BRIP1: variants seen among roughly 807,000 people sequenced by gnomAD.
BRIP1 encodes BRCA1 interacting DNA helicase 1.
In BRIP1, 88 loss-of-function variants were observed where a neutral mutation model predicts 119.7. The observed-to-expected ratio is 0.74, with a 90% CI of 0.62 to 0.88. The LOEUF is 0.88. Ranked by LOEUF, BRIP1 falls within the 40% of genes least tolerant of loss-of-function variation. The pLI is 0.00. For missense variants in BRIP1, 1,259 were observed against 1,455.4 expected (o/e 0.87, Z 2.20); for synonymous variants, 443 against 496.5 (o/e 0.89, Z 1.43).
At chr17:61,772,783 A>G (rs990542554) in intron 14 of BRIP1, among the ~76,000 whole-genome samples, 3 of 140,560 alleles carry the variant, frequency 2.1e-5, no homozygotes, top group East Asian at 2.2e-4. Flanking sequence ...ACACCATTGC[A>G]CTCCAGACTG....
chr17:61,707,428 G>A (rs781323180), intron 17 of BRIP1, among the ~76,000 whole-genome samples: 2 of 152,082 alleles, frequency 1.3e-5, no homozygotes, highest in Non-Finnish European at 1.5e-5. Context: ...CCAAGAAATC[G>A]TGTTACTCAA....
chr17:61,772,208 T>C (rs1433328569), intron 14 of BRIP1, among the ~76,000 whole-genome samples: 1 of 86,300 alleles, frequency 1.2e-5, no homozygotes, highest in African/African-American at 4.4e-5. Flanking sequence ...TATATATATA[T>C]AAAATGAAAT....
chr17:61,766,397 A>G (rs139742005), intron 14 of BRIP1, among the ~76,000 whole-genome samples: 73 of 152,348 alleles, frequency 4.8e-4, no homozygotes, highest in African/African-American at 1.5e-3. Flanking sequence ...CCTCAATGGC[A>G]TAATGATTCT....
Position 61,701,365 on chromosome 17 carries a change from T to C in BRIP1, c.2493-7853A>G, listed in dbSNP as rs140434869. ...ATTGTCATGTGTGGTCATTGAAGAC[T>C]GCTCGATTAACTTAGTAGTCAGCTA... is the stretch of plus-strand genomic sequence containing the variant. On this transcript the variant is annotated intron_variant, in intron 17 of 19. Transcript: ENST00000259008. The surrounding 1 kb of genome is among the most constrained non-coding windows in gnomAD (Gnocchi z 5.1). 4.5e-4 allele frequency among the ~76,000 whole-genome samples: 68 copies of C among 152,354 alleles called. No homozygotes were observed. The highest frequency in any genetic ancestry group is 1.6e-3 in the Admixed American group (24 of 15,302).
rs567823137 is a variant in BRIP1, at chr17:61,862,326, G to A, written c.-30-757C>T. 1.9e-4 allele frequency among the ~76,000 whole-genome samples: 29 copies of A among 152,310 alleles called. No individual in the cohort carries two copies. Among genetic ancestry groups the A allele is most frequent in the Middle Eastern group, 3.4e-3 (1 of 294 alleles). ...TATTATAGAAACAGGATGGGCTTTG[G>A]AGTAAGGCAATCCTAAGTTTGAATT... On this transcript the variant is annotated intron_variant, in intron 1 of 19. Transcript: ENST00000259008. The surrounding 1 kb of genome is among the most constrained non-coding windows in gnomAD (Gnocchi z 5.3).
Position 61,859,786 on chromosome 17 carries a change from A to T in BRIP1, c.205+10T>A, listed in dbSNP as rs774443020. On this transcript the variant is annotated intron_variant, in intron 3 of 19. Transcript: ENST00000259008. ...AGTAAGTAACCTGAAGATATCAAGC[A>T]ACTACTTACCACTAAGAGATTGTTG... 1 of 1,569,250 alleles carries T rather than the reference A, an allele frequency of 6.4e-7. No homozygotes were observed.
chr17:61,852,946 T>G lies in BRIP1; in HGVS notation c.380-3690A>C, dbSNP rs1351102460. ...CAACCACTTTAGAAAATGTTGTCAG[T>G]ATCTACTATAGCTGAACATATGTAT... On this transcript the variant is annotated intron_variant, in intron 4 of 19. Coordinates refer to ENST00000259008, the MANE Select transcript of BRIP1 (RefSeq NM_032043.3). The surrounding 1 kb of genome is among the most constrained non-coding windows in gnomAD (Gnocchi z 4.9). Among the ~76,000 whole-genome samples, 1 of 152,202 alleles carries G rather than the reference T, an allele frequency of 6.6e-6. No individual in the cohort carries two copies. Among genetic ancestry groups the G allele is most frequent in the Non-Finnish European group, 1.5e-5 (1 of 68,032 alleles).
chr17:61,744,442 T>A lies in BRIP1; in HGVS notation c.2247A>T (p.Lys749Asn), dbSNP rs587782556. The change falls in exon 15 of 20, where the codon AAA (lysine) becomes AAT (asparagine). Residue 749 changes from lysine to asparagine, a missense_variant. Physicochemically the swap from Lys to Asn is moderately conservative, Grantham distance 94. Transcript: ENST00000259008. This position sits in a 1 kb window ranked among gnomAD's most constrained non-coding sequence, Gnocchi z 5.0. ...LQVYYDAIKY[K>N]GEKDGALLVA... ...ATAATTTCCAGTTACCTTTCTCTCC[T>A]TTGTATTTGATTGCGTCATAGTACA... The A allele has an allele frequency of 2.5e-6, 4 of 1,613,752 alleles. No individual in the cohort carries two copies. Among genetic ancestry groups the A allele is most frequent in the Non-Finnish European group, 3.4e-6 (4 of 1,179,882 alleles).
intron 6 of BRIP1, among the ~76,000 whole-genome samples, chr17:61,830,390 A>C (rs1027633884): frequency 6.6e-6 from 1 of 152,038 alleles, no homozygotes; most frequent in South Asian, 2.1e-4. Context: ...AAATGGATAA[A>C]CCTCTACTAC....
chr17:61,792,475 T>G (rs188933553), intron 10 of BRIP1, among the ~76,000 whole-genome samples: 2 of 152,288 alleles, frequency 1.3e-5, no homozygotes, highest in Admixed American at 1.3e-4. Flanking sequence ...TAATGAAATA[T>G]CATTCAGCTA....
intron 18 of BRIP1, among the ~76,000 whole-genome samples, chr17:61,692,664 A>G (rs2061465329): frequency 6.6e-6 from 1 of 152,142 alleles, no homozygotes; most frequent in Non-Finnish European, 1.5e-5. Context: ...GTGCTATCAC[A>G]TTATACCTGC....
In BRIP1 at chr17:61,695,990, C is replaced by T. The variant is rs1198119474; in HGVS notation, c.2493-2478G>A. On this transcript the variant is annotated intron_variant, in intron 17 of 19. Transcript: ENST00000259008. This position sits in a 1 kb window ranked among gnomAD's most constrained non-coding sequence, Gnocchi z 4.3. ...CTTGTCTCACTGCCCTGGTTAGAAC[C>T]TCCAATACAATATTGAATAGAAGTG... Among the ~76,000 whole-genome samples the T allele has an allele frequency of 6.6e-6, 1 of 152,034 alleles. No individual in the cohort carries two copies. Among genetic ancestry groups the T allele is most frequent in the African/African-American group, 2.4e-5 (1 of 41,402 alleles).
rs1391138291 is a variant in BRIP1, at chr17:61,856,358, T to C, written c.379+700A>G. On this transcript the variant is annotated intron_variant, in intron 4 of 19. Coordinates refer to ENST00000259008, the MANE Select transcript of BRIP1 (RefSeq NM_032043.3). This position sits in a 1 kb window ranked among gnomAD's most constrained non-coding sequence, Gnocchi z 5.1. ...GCCAGTGACTGGTAAAGGAATAGCA[T>C]GAGTAAAAGCAGAAAAAAGCGTTAT... 2.6e-5 allele frequency among the ~76,000 whole-genome samples: 4 copies of C among 152,124 alleles called. No individual in the cohort carries two copies. Among genetic ancestry groups the C allele is most frequent in the Admixed American group, 6.5e-5 (1 of 15,278 alleles).
rs1328507712 is a variant in BRIP1, at chr17:61,780,802, G to A, written c.1794+38C>T. On this transcript the variant is annotated intron_variant, in intron 12 of 19. Transcript: ENST00000259008. This position sits in a 1 kb window ranked among gnomAD's most constrained non-coding sequence, Gnocchi z 5.4. ...ACATTTATTAAAATGCTGGTACTGA[G>A]CAAGAAGACAAAATTTCCATTTACA... 3 of 1,595,018 alleles carry A rather than the reference G, an allele frequency of 1.9e-6. No homozygotes were observed. Among genetic ancestry groups the A allele is most frequent in the Non-Finnish European group, 2.6e-6 (3 of 1,162,694 alleles).
intron 6 of BRIP1, among the ~76,000 whole-genome samples, chr17:61,837,755 A>G (rs1408374692): frequency 6.6e-6 from 1 of 152,136 alleles, no homozygotes; most frequent in Non-Finnish European, 1.5e-5. Context: ...CAGATGCTTC[A>G]CTAGAACTTT....
Position 61,745,503 on chromosome 17 carries a change from G to C in BRIP1, c.2098-912C>G, listed in dbSNP as rs1603304997. On this transcript the variant is annotated intron_variant, in intron 14 of 19. Coordinates refer to ENST00000259008, the MANE Select transcript of BRIP1 (RefSeq NM_032043.3). The surrounding 1 kb of genome is among the most constrained non-coding windows in gnomAD (Gnocchi z 4.4). Reference sequence around the variant, plus strand: ...TCCACCTTAGCCTCCTGAGTAGCTGGGACTACAGGTGCATGCCACTACACC... The same window carrying C: ...TCCACCTTAGCCTCCTGAGTAGCTGCGACTACAGGTGCATGCCACTACACC... Among the ~76,000 whole-genome samples the C allele has an allele frequency of 6.6e-6, 1 of 152,004 alleles. No homozygotes were observed. Among genetic ancestry groups the C allele is most frequent in the African/African-American group, 2.4e-5 (1 of 41,376 alleles).
Position 61,780,973 on chromosome 17 carries a change from T to C in BRIP1, c.1661A>G (p.Gln554Arg), listed in dbSNP as rs1567813893. ...AATCTGATTTGTCCAGGAGTAAGTC[T>C]GTTGAATCGCAATTTTATAATCATC... ...FADDYKIAIQ[Q>R]TYSWTNQIDI... The change falls in exon 12 of 20, where the codon CAG becomes CGG. Residue 554 changes from glutamine to arginine, a missense_variant. Gln to Arg is a conservative substitution (Grantham distance 43). Around this residue, in one of 3 missense-constraint regions of BRIP1, gnomAD observed 753 missense variants for 891.8 expected, o/e 0.84. Coordinates refer to ENST00000259008, the MANE Select transcript of BRIP1 (RefSeq NM_032043.3). This position sits in a 1 kb window ranked among gnomAD's most constrained non-coding sequence, Gnocchi z 5.4. 1.9e-6 allele frequency: 3 copies of C among 1,614,090 alleles called. No homozygotes were observed. Among genetic ancestry groups the C allele is most frequent in the East Asian group, 4.5e-5 (2 of 44,868 alleles).
At position 61,683,812 on chromosome 17, in the gene BRIP1, C is replaced by T. The variant is rs570238270; in HGVS notation, c.3234G>A (p.Lys1078=). 6.8e-6 allele frequency: 11 copies of T among 1,614,164 alleles called. No individual in the cohort carries two copies. The East Asian group carries it at 2.0e-4, about 29-fold the overall frequency. ...PQSETIISSL[K]IDATLTRKNH... The stretch of plus-strand genomic sequence containing the variant: ...TTTTTCTAGTAAGGGTGGCATCAAT[C>T]TTTAATGATGAAATAATGGTTTCTG... Residue 1078 remains lysine, a synonymous_variant, in exon 20 of 20, where the codon AAG becomes AAA. Coordinates refer to ENST00000259008, the MANE Select transcript of BRIP1 (RefSeq NM_032043.3). This position sits in a 1 kb window ranked among gnomAD's most constrained non-coding sequence, Gnocchi z 4.7.
rs2145575484 is a variant in BRIP1, at chr17:61,825,647, A to G, written c.628-16890T>C. ...CAAATAAATAAATAAATAAATAAAT[A>G]AATAAATAAATAAATAAATAAAATA... On this transcript the variant is annotated intron_variant, in intron 6 of 19. Transcript: ENST00000259008. This position sits in a 1 kb window ranked among gnomAD's most constrained non-coding sequence, Gnocchi z 4.1. 6.6e-6 allele frequency among the ~76,000 whole-genome samples: 1 copy of G among 150,718 alleles called. No homozygotes were observed. Among genetic ancestry groups the G allele is most frequent in the East Asian group, 1.9e-4 (1 of 5,162 alleles).
Sources: allele counts gnomAD v4.1 joint callset (sites outside exome capture counted in the v4.1 genomes callset), GRCh38; gene constraint gnomAD v4.1.1; regional missense constraint gnomAD v4.1.1; non-coding constraint Gnocchi (gnomAD v3.1); transcripts MANE v1.5; gene names NCBI Gene and HGNC (gene_info 2026-07-23, HGNC 2026-07-21).